The following EPHA7 variants were observed in gnomAD, a reference collection of about 807,000 sequenced individuals.
The protein encoded by EPHA7 is EPH receptor A7, also known as ephrin type-A receptor 7.
In EPHA7, 25 loss-of-function variants were observed where a neutral mutation model predicts 112.6. The ratio of observed to expected loss-of-function variants is 0.22; its 90% CI spans 0.16 to 0.31. The LOEUF (loss-of-function observed/expected upper bound fraction) is 0.31. EPHA7 is among the 10% of genes least tolerant of loss of function. The pLI, the probability that EPHA7 is intolerant of heterozygous loss-of-function variation, is 1.00. For synonymous variants in EPHA7, 437 were observed against 406.5 expected, an observed-to-expected ratio of 1.07 and a Z score of -0.90; for missense variants, 962 against 1,212.6, an observed-to-expected ratio of 0.79 and a Z score of 3.07.
intron 5 of EPHA7, among the ~76,000 whole-genome samples, chr6:93,296,993 A>T (rs1043988769): frequency 2.0e-5 from 3 of 152,010 alleles, no homozygotes; most frequent in South Asian, 4.1e-4. Context: ...AATGATGGCT[A>T]TGTTAATTTG....
At chr6:93,414,860 C>A in intron 1 of EPHA7, 93 bp from the exon 2 acceptor site, 1 of 944,258 alleles carries the variant, frequency 1.1e-6, no homozygotes, top group Non-Finnish European at 1.7e-6. Context: ...ATAACTATCA[C>A]TATATGACTT....
intron 7 of EPHA7, among the ~76,000 whole-genome samples, chr6:93,265,468 C>T (rs529473643): frequency 7.2e-5 from 11 of 151,798 alleles, no homozygotes; most frequent in African/African-American, 2.7e-4. Flanking sequence ...GGAAGAAGTA[C>T]ATGTTTGCAT....
intron 5 of EPHA7, among the ~76,000 whole-genome samples, chr6:93,315,100 G>T (rs1226123115): frequency 1.3e-5 from 2 of 149,792 alleles, no homozygotes; most frequent in Non-Finnish European, 2.9e-5. Context: ...CTGACCTCGT[G>T]ATCCGCCCGC....
rs554089417 is a variant in EPHA7 at position 93,405,623 on chromosome 6, A to G, written c.832+4878T>C. On this transcript the variant is annotated intron_variant, in intron 3 of 16. Transcript: ENST00000369303. ...TTCATTCAATTCTGACAAGAACCCT[A>G]TGAGGGTTTCTATTAGCCCCATTTT... Among the ~76,000 whole-genome samples, 132 of 151,406 alleles carry G rather than the reference A, an allele frequency of 8.7e-4. 1 individual carries two copies. The South Asian group carries it at 0.026, about 30-fold the overall frequency.
chr6:93,406,025 A>G (rs988616933), intron 3 of EPHA7, among the ~76,000 whole-genome samples: 17 of 150,312 alleles, frequency 1.1e-4, no homozygotes, highest in Admixed American at 3.3e-4. Context: ...GTTAAATTAT[A>G]CATATGTTCA....
chr6:93,291,624 C>T (rs1271969745), intron 5 of EPHA7, among the ~76,000 whole-genome samples: 2 of 149,814 alleles, frequency 1.3e-5, no homozygotes, highest in Non-Finnish European at 3.0e-5. Context: ...AAAAATTAGC[C>T]GGGCGTAGTG....
In EPHA7 at chr6:93,242,891, T is replaced by C. The variant is rs536889598; in HGVS notation, c.*535A>G. 101 of 215,586 alleles carry C rather than the reference T, an allele frequency of 4.7e-4. No homozygotes were observed. Among genetic ancestry groups the C allele is most frequent in the African/African-American group, 2.1e-3 (92 of 44,532 alleles). The allele number at this position is 215,586 out of a possible 1,614,324, so 13.4% of individuals were successfully genotyped here. A position where few individuals can be genotyped will look rare whatever the true frequency, so the allele number is the denominator to read the frequency against. ...TCAATCATGCTATTTCTTTTGAAAT[T>C]TGAGATTCTTTCAAAGGTACCCAGT... is the stretch of plus-strand genomic sequence containing the variant. On this transcript the variant is annotated 3_prime_UTR_variant, in exon 17 of 17. Transcript: ENST00000369303.
intron 5 of EPHA7, among the ~76,000 whole-genome samples, chr6:93,279,403 C>T (rs1486766): frequency 0.097 from 14,689 of 152,060 alleles, 796 homozygotes; most frequent in Admixed American, 0.14. Context: ...CCTTTCCCAC[C>T]TCTTTTTCTT....
chr6:93,309,935 A>C (rs1773447445), intron 5 of EPHA7, among the ~76,000 whole-genome samples: 1 of 152,198 alleles, frequency 6.6e-6, no homozygotes, highest in African/African-American at 2.4e-5. Context: ...TGAGATCAGA[A>C]GCATGGAGAA....
At chr6:93,309,504 CTT>C (rs965255304) in intron 5 of EPHA7, among the ~76,000 whole-genome samples, 75 of 151,750 alleles carry the variant, frequency 4.9e-4, no homozygotes, top group African/African-American at 1.7e-3. Context: ...AAAATAATGA[CTT>C]ATAAAGACAT....
chr6:93,345,500 C>T (rs999810316), intron 5 of EPHA7, among the ~76,000 whole-genome samples: 8 of 151,616 alleles, frequency 5.3e-5, no homozygotes, highest in African/African-American at 1.9e-4. Context: ...CTGCCTTGTC[C>T]CTGACTAATT....
intron 14 of EPHA7, among the ~76,000 whole-genome samples, chr6:93,248,861 T>G (rs936951184): frequency 3.3e-5 from 5 of 152,140 alleles, no homozygotes; most frequent in Admixed American, 6.6e-5. Flanking sequence ...TTTCTGATGA[T>G]TTTCTACTTC....
chr6:93,272,502 C>T (rs1771277114), intron 5 of EPHA7, 80 bp from the exon 6 acceptor site: 1 of 1,540,346 alleles, frequency 6.5e-7, no homozygotes, highest in African/African-American at 1.4e-5. Flanking sequence ...TGATCAGTCC[C>T]ATGCTGTGCC....
chr6:93,345,400 T>C (rs995684967), intron 5 of EPHA7, among the ~76,000 whole-genome samples: 2 of 151,770 alleles, frequency 1.3e-5, no homozygotes, highest in African/African-American at 4.8e-5. Context: ...TCTTCCTCTG[T>C]AGTCCTTGTG....
chr6:93,336,141 GA>G (rs552844251), intron 5 of EPHA7, among the ~76,000 whole-genome samples: 41 of 152,076 alleles, frequency 2.7e-4, no homozygotes, highest in African/African-American at 9.6e-4. Context: ...CCTACTACTA[GA>G]ATAAAAGTAT....
intron 5 of EPHA7, among the ~76,000 whole-genome samples, chr6:93,354,633 CAA>C (rs35810853): frequency 2.2e-4 from 22 of 98,286 alleles, no homozygotes; most frequent in South Asian, 5.9e-4. Flanking sequence ...ACAAATAAAG[CAA>C]AAAAAAAAAA....
intron 3 of EPHA7, among the ~76,000 whole-genome samples, chr6:93,394,961 ATACT>A (rs1179181613): frequency 4.0e-5 from 6 of 151,778 alleles, no homozygotes; most frequent in South Asian, 2.1e-4. Flanking sequence ...AATACAGCAA[ATACT>A]TAATATTTTT....
intron 3 of EPHA7, among the ~76,000 whole-genome samples, chr6:93,404,865 C>A (rs1283546093): frequency 1.3e-5 from 2 of 151,524 alleles, no homozygotes; most frequent in African/African-American, 4.8e-5. Flanking sequence ...TTATTGAATG[C>A]CTTCTATTAA....
chr6:93,408,547 G>C (rs937853138), intron 3 of EPHA7, among the ~76,000 whole-genome samples: 2 of 152,056 alleles, frequency 1.3e-5, no homozygotes, highest in Non-Finnish European at 2.9e-5. Context: ...CAGGACAATA[G>C]GAGACAGGTT....
Sources: allele counts gnomAD v4.1 joint callset (sites outside exome capture counted in the v4.1 genomes callset), GRCh38; gene constraint gnomAD v4.1.1; transcripts MANE v1.5; gene names NCBI Gene and HGNC (gene_info 2026-07-23, HGNC 2026-07-21).